DNAJC13: variants seen among roughly 807,000 people sequenced by gnomAD.
DNAJC13 encodes dnaJ homolog subfamily C member 13.
Under a neutral mutation model 290.5 loss-of-function variants are expected in DNAJC13, and 75 were observed. The ratio of observed to expected loss-of-function variants is 0.26; its 90% CI spans 0.21 to 0.31. The LOEUF is 0.31. Among genes scored for constraint, DNAJC13 ranks in the 10% least tolerant of loss-of-function variants. DNAJC13 has a pLI of 1.00. For synonymous variants in DNAJC13, 862 were observed against 892.0 expected, an observed-to-expected ratio of 0.97 and a Z score of 0.60; for missense variants, 2,260 against 2,674.5, an observed-to-expected ratio of 0.85 and a Z score of 3.42.
At chr3:132,455,186 G>C (rs928184996) in intron 9 of DNAJC13, among the ~76,000 whole-genome samples, 2 of 151,838 alleles carry the variant, frequency 1.3e-5, no homozygotes, top group Admixed American at 6.6e-5. Flanking sequence ...AAAAAACCAA[G>C]CGACCCAATA....
rs79855078 is a variant in DNAJC13, at chr3:132,421,082, G to A, written c.-14+3322G>A. Among the ~76,000 whole-genome samples, 423 of 152,308 alleles carry A rather than the reference G, an allele frequency of 2.8e-3. 2 individuals are homozygous for A. The highest frequency in any genetic ancestry group is 4.7e-3 in the Non-Finnish European group (318 of 68,022). Reference sequence around the variant, plus strand: ...AGCATTGGATGGAGTTATAGTTTCTGAATTACTGTGAAGTAGTAGAAGGAA... The same window carrying A: ...AGCATTGGATGGAGTTATAGTTTCTAAATTACTGTGAAGTAGTAGAAGGAA... On this transcript the variant is annotated intron_variant, in intron 1 of 55. Coordinates refer to ENST00000260818, the MANE Select transcript of DNAJC13 (RefSeq NM_015268.4).
At chr3:132,473,344 T>C in intron 21 of DNAJC13, 117 bp downstream of exon 21, 1 of 687,490 alleles carries the variant, frequency 1.5e-6, no homozygotes. Flanking sequence ...TTTTATGCCA[T>C]CAAGTTCAGG....
Position 132,514,614 on chromosome 3 carries a change from T to C in DNAJC13, c.5429T>C (p.Ile1810Thr). Residue 1810 changes from isoleucine (I) to threonine (T), a missense_variant, in exon 46 of 56, where the codon ATT (isoleucine) becomes ACT (threonine). By Grantham distance (89) the Ile-to-Thr change is moderately conservative. Coordinates refer to ENST00000260818, the MANE Select transcript of DNAJC13 (RefSeq NM_015268.4). ...VTSNQDCVNN[I>T]AESMVLSSLL... ...TCTAACCAAGACTGTGTCAACAATA[T>C]TGCTGAATCAATGGTTTTGTCCAGT... 4 of 1,612,226 alleles carry C rather than the reference T, an allele frequency of 2.5e-6. No homozygotes were observed. Among genetic ancestry groups the C allele is most frequent in the Non-Finnish European group, 2.5e-6 (3 of 1,179,070 alleles).
chr3:132,483,284 A>T (rs1459859943), intron 27 of DNAJC13, 91 bp from the exon 28 acceptor site: 4 of 1,132,902 alleles, frequency 3.5e-6, no homozygotes, highest in Non-Finnish European at 5.1e-6. Context: ...TTTGTTTCAT[A>T]ATTTAGTATG....
chr3:132,512,436 T>C (rs1158816097), intron 44 of DNAJC13, among the ~76,000 whole-genome samples: 1 of 152,206 alleles, frequency 6.6e-6, no homozygotes, highest in African/African-American at 2.4e-5. Context: ...TATGTTTTAC[T>C]ACCATATAGA....
chr3:132,482,726 G>T (rs1226412844), intron 27 of DNAJC13, among the ~76,000 whole-genome samples: 1 of 151,972 alleles, frequency 6.6e-6, no homozygotes, highest in Non-Finnish European at 1.5e-5. Context: ...AAGCATGGTG[G>T]TGCATGCCTA....
Position 132,500,896 on chromosome 3 carries a change from G to A in DNAJC13, c.4519G>A (p.Val1507Ile). The A allele has an allele frequency of 1.9e-6, 3 of 1,613,896 alleles. No homozygotes were observed. Among genetic ancestry groups the A allele is most frequent in the Non-Finnish European group, 1.7e-6 (2 of 1,179,852 alleles). The part of the protein sequence containing the change: ...MPSIIKDLCR[V>I]LYFGKSIPRV... The stretch of plus-strand genomic sequence containing the variant: ...TAGCATCATCAAGGATCTCTGTCGG[G>A]TACTATATTTTGGCAAGGTAGGGTT... Residue 1507 changes from valine (V) to isoleucine (I), a missense_variant, in exon 39 of 56, where the codon GTA becomes ATA. By Grantham distance (29) the Val-to-Ile change is conservative. Around this residue, in one of 3 missense-constraint regions of DNAJC13, gnomAD observed 1,494 missense variants for 1,693.7 expected, o/e 0.88. Coordinates refer to ENST00000260818, the MANE Select transcript of DNAJC13 (RefSeq NM_015268.4).
chr3:132,478,172 G>T, intron 24 of DNAJC13, 32 bp downstream of exon 24: 1 of 1,562,056 alleles, frequency 6.4e-7, no homozygotes, highest in South Asian at 1.2e-5. Flanking sequence ...ATTACTATTT[G>T]ATAGTGTCAC....
chr3:132,431,104 G>GT (rs1314505920), intron 1 of DNAJC13, among the ~76,000 whole-genome samples: 1 of 152,222 alleles, frequency 6.6e-6, no homozygotes. Flanking sequence ...GGGAGTCCCT[G>GT]TTAGAGCATC....
Position 132,511,245 on chromosome 3 carries a change from G to A in DNAJC13, c.5293+1G>A, listed in dbSNP as rs778681633. On this transcript the variant is annotated splice_donor_variant, in intron 44 of 55. Coordinates refer to ENST00000260818, the MANE Select transcript of DNAJC13 (RefSeq NM_015268.4). LOFTEE classifies it high-confidence loss of function. The stretch of plus-strand genomic sequence containing the variant: ...AGAAATGTCATAAAATACAATCCAG[G>A]TATGTGACTACACCTTTGATCAATA... The A allele has an allele frequency of 6.2e-7, 1 of 1,613,558 alleles. No homozygotes were observed. Among genetic ancestry groups the A allele is most frequent in the East Asian group, 2.2e-5 (1 of 44,864 alleles).
chr3:132,511,578 A>G (rs1935780286), intron 44 of DNAJC13, among the ~76,000 whole-genome samples: 1 of 152,216 alleles, frequency 6.6e-6, no homozygotes, highest in Non-Finnish European at 1.5e-5. Context: ...TTATTTAATA[A>G]TAAGTGATCT....
chr3:132,470,962 C>T (rs1305935897), intron 20 of DNAJC13, among the ~76,000 whole-genome samples: 11 of 115,864 alleles, frequency 9.5e-5, no homozygotes, highest in African/African-American at 1.3e-4. Flanking sequence ...CCAGTAGGGG[C>T]GGCCGGGCAG....
At chr3:132,497,454 ATGGAGAGTGT>A (rs542145487) in intron 36 of DNAJC13, among the ~76,000 whole-genome samples, 134 of 152,032 alleles carry the variant, frequency 8.8e-4, no homozygotes, top group Middle Eastern at 3.4e-3. Context: ...TGAGATAAGC[ATGGAGAGTGT>A]TGGGTAACTA....
At chr3:132,516,951 A>G in intron 48 of DNAJC13, 135 bp downstream of exon 48, 1 of 721,192 alleles carries the variant, frequency 1.4e-6, no homozygotes, top group South Asian at 1.9e-5. Flanking sequence ...TGGAAAATTC[A>G]CATTCCGGGA....
chr3:132,448,708 A>T (rs554499558), intron 5 of DNAJC13, among the ~76,000 whole-genome samples: 1 of 152,278 alleles, frequency 6.6e-6, no homozygotes, highest in Non-Finnish European at 1.5e-5. Flanking sequence ...GTCTGTCTTA[A>T]GCCCTCATTC....
chr3:132,535,342 T>G (rs900527904), intron 55 of DNAJC13, among the ~76,000 whole-genome samples: 1 of 152,214 alleles, frequency 6.6e-6, no homozygotes, highest in African/African-American at 2.4e-5. Flanking sequence ...ACTGCCTATT[T>G]CCATAGGTTC....
At chr3:132,507,843 C>T (rs913879562) in intron 43 of DNAJC13, among the ~76,000 whole-genome samples, 5 of 152,010 alleles carry the variant, frequency 3.3e-5, no homozygotes, top group African/African-American at 9.7e-5. Flanking sequence ...GGTGTTCAAG[C>T]GAAAGGAAGA....
At position 132,491,055 on chromosome 3, in the gene DNAJC13, A is replaced by G. The variant is rs369385032; in HGVS notation, c.3623+4A>G. On this transcript the variant is annotated splice_donor_region_variant and intron_variant, in intron 32 of 55. Coordinates refer to ENST00000260818, the MANE Select transcript of DNAJC13 (RefSeq NM_015268.4). ...CAATCTGGAGCAGTGAAATGAGGTA[A>G]ATAACCAGTTGACTGATTGATTTGT... is the stretch of plus-strand genomic sequence containing the variant. 5 of 1,593,920 alleles carry G rather than the reference A, an allele frequency of 3.1e-6. No homozygotes were observed. Among genetic ancestry groups the G allele is most frequent in the Non-Finnish European group, 4.3e-6 (5 of 1,173,188 alleles).
intron 38 of DNAJC13, among the ~76,000 whole-genome samples, chr3:132,500,529 A>G (rs562591673): frequency 4.0e-4 from 61 of 152,276 alleles, no homozygotes; most frequent in Non-Finnish European, 8.1e-4. Flanking sequence ...TCTAAAAACC[A>G]TTCTTAGCTC....
Sources: allele counts gnomAD v4.1 joint callset (sites outside exome capture counted in the v4.1 genomes callset), GRCh38; gene constraint gnomAD v4.1.1; regional missense constraint gnomAD v4.1.1; transcripts MANE v1.5; gene names NCBI Gene and HGNC (gene_info 2026-07-23, HGNC 2026-07-21).